PIK3CD: variants seen among roughly 807,000 people sequenced by gnomAD.
PIK3CD encodes phosphatidylinositol-4,5-bisphosphate 3-kinase catalytic subunit delta.
Under a neutral mutation model 122.9 loss-of-function variants are expected in PIK3CD, and 20 were observed. That is an observed-to-expected ratio of 0.16 (90% CI 0.11 to 0.24). The LOEUF is 0.24. PIK3CD is among the 10% of genes least tolerant of loss of function. PIK3CD has a pLI of 1.00. For missense variants in PIK3CD, 787 were observed against 1,406.3 expected (o/e 0.56, Z 7.04); for synonymous variants, 596 against 593.4 (o/e 1.00, Z -0.06).
chr1:9,724,535 C>G lies in PIK3CD; in HGVS notation c.2864+114C>G, dbSNP rs951878804. The G allele has an allele frequency of 8.2e-7, 1 of 1,225,048 alleles. No individual in the cohort carries two copies. The highest frequency in any genetic ancestry group is 1.2e-6 in the Non-Finnish European group (1 of 845,340). The allele number at this position is 1,225,048 out of a possible 1,614,324, so 75.9% of individuals were successfully genotyped here. On this transcript the variant is annotated intron_variant, in intron 22 of 23. Coordinates refer to ENST00000377346, the MANE Select transcript of PIK3CD (RefSeq NM_005026.5). This position sits in a 1 kb window ranked among gnomAD's most constrained non-coding sequence, Gnocchi z 7.3. ...CTCAGGTCTCAACCCCACACCTGGC[C>G]CCTCACCCCAACTGTTGATGGGTTT...
chr1:9,677,454 TG>T (rs908575280), intron 1 of PIK3CD, among the ~76,000 whole-genome samples: 9 of 151,502 alleles, frequency 5.9e-5, no homozygotes, highest in Middle Eastern at 6.8e-3. Flanking sequence ...AAGACCAGCC[TG>T]GCCAACATGG....
intron 1 of PIK3CD, chr1:9,654,553 C>A: frequency 2.0e-6 from 1 of 508,130 alleles, no homozygotes; most frequent in Non-Finnish European, 3.4e-6. Context: ...TGGTGAGAGT[C>A]GGTTCCTGCT....
chr1:9,675,181 C>A lies in PIK3CD; in HGVS notation c.-137-16286C>A, dbSNP rs572522082. ...CGGGCGGATCACGAGGTCAGGAGAT[C>A]GAGACCATCCTGGCTAACACGGTGA... On this transcript the variant is annotated intron_variant, in intron 1 of 23. Transcript: ENST00000377346. Among the ~76,000 whole-genome samples, 1,072 of 151,358 alleles carry A rather than the reference C, an allele frequency of 7.1e-3. 13 individuals are homozygous for A. The highest frequency in any genetic ancestry group is 0.024 in the African/African-American group (1,007 of 41,298).
intron 1 of PIK3CD, chr1:9,653,708 A>C: frequency 6.4e-6 from 6 of 933,376 alleles, no homozygotes; most frequent in African/African-American, 1.7e-5. Flanking sequence ...AGATATAAAT[A>C]GAGCTTTCTC....
chr1:9,724,941 G>A lies in PIK3CD; in HGVS notation c.2997+5G>A. The A allele has an allele frequency of 1.2e-6, 2 of 1,613,642 alleles. No individual in the cohort carries two copies. Among genetic ancestry groups the A allele is most frequent in the Non-Finnish European group, 1.7e-6 (2 of 1,180,042 alleles). On this transcript the variant is annotated splice_donor_5th_base_variant and intron_variant, in intron 23 of 23. Transcript: ENST00000377346. The surrounding 1 kb of genome is among the most constrained non-coding windows in gnomAD (Gnocchi z 7.3). ...AAAGACATCCAGTATCTCAAGGTAT[G>A]TGCCGGGCAGGAGACTGCTGTCGCC...
chr1:9,686,361 T>TTTTC (rs1645964548), intron 1 of PIK3CD, among the ~76,000 whole-genome samples: 1 of 145,834 alleles, frequency 6.9e-6, no homozygotes, highest in South Asian at 2.3e-4. Flanking sequence ...GCCAGGCTAA[T>TTTTC]TTTCTTTTTT....
At chr1:9,667,655 C>T (rs868803133) in intron 1 of PIK3CD, among the ~76,000 whole-genome samples, 74 of 152,076 alleles carry the variant, frequency 4.9e-4, no homozygotes, top group African/African-American at 1.7e-3. Context: ...GGATTACAGG[C>T]GTGAGCCACC....
Position 9,710,479 on chromosome 1 carries a change from C to A in PIK3CD, c.24C>A (p.Pro8=), listed in dbSNP as rs145290703. 25 of 1,614,002 alleles carry A rather than the reference C, an allele frequency of 1.5e-5. No homozygotes were observed. In the African/African-American group the frequency reaches 3.1e-4, roughly 20 times the overall value. The change falls in exon 3 of 24, where the codon CCC becomes CCA. Residue 8 remains proline (P), a synonymous_variant. Transcript: ENST00000377346. This position sits in a 1 kb window ranked among gnomAD's most constrained non-coding sequence, Gnocchi z 4.7. MPPGVDC[P]MEFWTKEENQ... Reference sequence around the variant, plus strand: ...GGATGCCCCCTGGGGTGGACTGCCCCATGGAATTCTGGACCAAGGAGGAGA... The same window carrying A: ...GGATGCCCCCTGGGGTGGACTGCCCAATGGAATTCTGGACCAAGGAGGAGA...
rs190113547 is a variant in PIK3CD, at chr1:9,699,521, C to T, written c.-33+7950C>T. On this transcript the variant is annotated intron_variant, in intron 2 of 23. Coordinates refer to ENST00000377346, the MANE Select transcript of PIK3CD (RefSeq NM_005026.5). ...ACGGGGCCCTGCAGGGTCAGACTCA[C>T]CGTCTCTCCCAGTCACCCTCTCCCA... Among the ~76,000 whole-genome samples, 9 of 152,310 alleles carry T rather than the reference C, an allele frequency of 5.9e-5. No homozygotes were observed. In the East Asian group the frequency reaches 1.7e-3, roughly 29 times the overall value.
At chr1:9,658,072 T>A (rs1355103901) in intron 1 of PIK3CD, among the ~76,000 whole-genome samples, 1 of 152,146 alleles carries the variant, frequency 6.6e-6, no homozygotes, top group East Asian at 1.9e-4. Flanking sequence ...TAATCAGCCT[T>A]GTTTTTGAAA....
intron 1 of PIK3CD, among the ~76,000 whole-genome samples, chr1:9,660,436 C>A (rs1477137761): frequency 6.6e-6 from 1 of 152,094 alleles, no homozygotes; most frequent in Non-Finnish European, 1.5e-5. Context: ...TGCTTTTTTT[C>A]ACTTAACATT....
rs140610897 is a variant in PIK3CD at position 9,720,046 on chromosome 1, T to C, written c.1339+29T>C. On this transcript the variant is annotated intron_variant, in intron 10 of 23. Transcript: ENST00000377346. This position sits in a 1 kb window ranked among gnomAD's most constrained non-coding sequence, Gnocchi z 9.0. ...GGCCCAGGCCCAGGAGGGAGAGGCG[T>C]TGGGAGTGTGAGGGTCCCAGAGATG... 2,947 of 1,613,362 alleles carry C rather than the reference T, an allele frequency of 1.8e-3. 51 individuals carry two copies. The African/African-American group carries it at 0.033, about 18-fold the overall frequency.
At chr1:9,709,550 A>T (rs1027103128) in intron 2 of PIK3CD, among the ~76,000 whole-genome samples, 1 of 152,052 alleles carries the variant, frequency 6.6e-6, no homozygotes, top group Non-Finnish European at 1.5e-5. Context: ...ACAAAAAATT[A>T]AAAAATTAGC....
At chr1:9,656,942 C>CAA (rs56008596) in intron 1 of PIK3CD, among the ~76,000 whole-genome samples, 37 of 115,010 alleles carry the variant, frequency 3.2e-4, no homozygotes, top group South Asian at 1.1e-3. Flanking sequence ...GACTCCATCT[C>CAA]AAAAAAAAAA....
chr1:9,642,271 C>T, the PIK3CD span, among the ~76,000 whole-genome samples: 1 of 151,690 alleles, frequency 6.6e-6, no homozygotes, highest in Admixed American at 6.6e-5. Context: ...CACCACCATG[C>T]CCAGCTAATT....
Position 9,715,694 on chromosome 1 carries a change from C to G in PIK3CD, c.295C>G (p.Leu99Val). ...TGACGTGCAGCCCTTCCTGCCCGTC[C>G]TGCGCCTGGTGGCCCGTGAGGGCGA... ...LCDVQPFLPV[L>V]RLVAREGDRV... The change falls in exon 4 of 24, where the codon CTG becomes GTG. Residue 99 changes from leucine (L) to valine (V), a missense_variant. By Grantham distance (32) the Leu-to-Val change is conservative (BLOSUM62 1). Coordinates refer to ENST00000377346, the MANE Select transcript of PIK3CD (RefSeq NM_005026.5). The surrounding 1 kb of genome is among the most constrained non-coding windows in gnomAD (Gnocchi z 4.1). The G allele has an allele frequency of 1.2e-6, 2 of 1,613,676 alleles. No individual in the cohort carries two copies. Among genetic ancestry groups the G allele is most frequent in the Non-Finnish European group, 1.7e-6 (2 of 1,180,030 alleles).
the PIK3CD span, among the ~76,000 whole-genome samples, chr1:9,641,142 C>CG: frequency 6.6e-6 from 1 of 152,094 alleles, no homozygotes; most frequent in Admixed American, 6.6e-5. Context: ...CAGGGGGTTG[C>CG]GGGGGCGGCA....
intron 1 of PIK3CD, among the ~76,000 whole-genome samples, chr1:9,671,707 A>G (rs377083773): frequency 4.3e-4 from 66 of 152,256 alleles, no homozygotes; most frequent in African/African-American, 1.5e-3. Context: ...CGGCCCCCCA[A>G]AGTGCTGGAA....
chr1:9,691,830 G>T, intron 2 of PIK3CD: 1 of 329,312 alleles, frequency 3.0e-6, no homozygotes, highest in Non-Finnish European at 5.5e-6. Flanking sequence ...GCTTTGCTTT[G>T]AGGAGTCCTG....
Sources: gnomAD v4.1 joint callset for allele counts (sites outside exome capture counted in the v4.1 genomes callset) on GRCh38, gnomAD v4.1.1 for gene constraint, Gnocchi (gnomAD v3.1) non-coding constraint, MANE v1.5 for transcripts, NCBI Gene and HGNC (gene_info 2026-07-23, HGNC 2026-07-21) for gene names.